CPS1: variants seen among roughly 807,000 people sequenced by gnomAD.
The protein encoded by CPS1 is carbamoyl-phosphate synthase 1.
CPS1 carries 109 observed loss-of-function variants against 174.6 expected under a neutral mutation model. The ratio of observed to expected loss-of-function variants is 0.62; its 90% CI spans 0.53 to 0.73. The LOEUF is 0.73. Ranked by LOEUF, CPS1 falls within the 30% of genes least tolerant of loss-of-function variation. The pLI, the probability that CPS1 is intolerant of heterozygous loss-of-function variation, is 0.00. For missense variants in CPS1, 1,689 were observed against 1,821.9 expected (o/e 0.93, Z 1.33); for synonymous variants, 637 against 632.0 (o/e 1.01, Z -0.12).
At chr2:210,521,545 TAC>T (rs1695826640) in intron 1 of CPS1, among the ~76,000 whole-genome samples, 3 of 152,014 alleles carry the variant, frequency 2.0e-5, no homozygotes, top group Non-Finnish European at 4.4e-5. Flanking sequence ...TGTTTCATTT[TAC>T]AGAGTTTCCA....
chr2:210,612,424 T>C (rs1699163593), intron 20 of CPS1, 131 bp downstream of exon 20: 4 of 852,996 alleles, frequency 4.7e-6, no homozygotes, highest in East Asian at 2.7e-5. Context: ...AATTCTTTTA[T>C]AGTATTAAAC....
At chr2:210,552,091 T>C (rs1272974212), upstream of CPS1, among the ~76,000 whole-genome samples, 35 of 151,922 alleles carry the variant, frequency 2.3e-4, no homozygotes, top group Admixed American at 2.3e-3. Flanking sequence ...ATAAAAATCA[T>C]AGAACTGAAC....
rs186668263 is a variant in CPS1 at position 210,621,254 on chromosome 2, T to C, written c.2687+4713T>C. Among the ~76,000 whole-genome samples, 645 of 152,222 alleles carry C rather than the reference T, an allele frequency of 4.2e-3. 8 individuals carry two copies. Among genetic ancestry groups the C allele is most frequent in the Admixed American group, 0.02 (301 of 15,290 alleles). On this transcript the variant is annotated intron_variant, in intron 21 of 37. Coordinates refer to ENST00000233072, the MANE Select transcript of CPS1 (RefSeq NM_001875.5). ...TTTCTTTAGGATTTGAGAAGTTTCT[T>C]TTTACTCAGTACGATATAAGTTGTG...
intron 21 of CPS1, among the ~76,000 whole-genome samples, chr2:210,623,715 A>G (rs1027187566): frequency 3.3e-5 from 5 of 152,140 alleles, no homozygotes; most frequent in African/African-American, 9.7e-5. Context: ...TGCAGCCACA[A>G]ACTTCTGGCA....
At chr2:210,578,557 A>G (rs1252916311) in intron 4 of CPS1, among the ~76,000 whole-genome samples, 2 of 152,202 alleles carry the variant, frequency 1.3e-5, no homozygotes, top group Non-Finnish European at 2.9e-5. Context: ...TGTAATTGAC[A>G]GAATTTTATT....
At position 210,678,097 on chromosome 2, in the gene CPS1, G is replaced by C; in HGVS notation, c.*112G>C. ...ATATTGATAACTAAACTTCATTTCA[G>C]TTTACTTTGTTATGCCTTAATATTC... On this transcript the variant is annotated 3_prime_UTR_variant, in exon 38 of 38. Transcript: ENST00000233072. 2.3e-6 allele frequency: 2 copies of C among 870,242 alleles called. No individual in the cohort carries two copies. The highest frequency in any genetic ancestry group is 4.0e-6 in the Non-Finnish European group (2 of 503,922). 53.9% of individuals were successfully genotyped at this position (870,242 alleles called of 1,614,324 possible). A position where few individuals can be genotyped will look rare whatever the true frequency, so the allele number is the denominator to read the frequency against.
chr2:210,638,702 A>G (rs913067994), intron 22 of CPS1, among the ~76,000 whole-genome samples: 3 of 152,064 alleles, frequency 2.0e-5, no homozygotes, highest in African/African-American at 7.2e-5. Context: ...TTCATCCCCT[A>G]TGGCTTTATG....
At chr2:210,655,005 T>C (rs1700663164) in intron 29 of CPS1, among the ~76,000 whole-genome samples, 1 of 152,186 alleles carries the variant, frequency 6.6e-6, no homozygotes, top group Non-Finnish European at 1.5e-5. Context: ...TGGAAGGTGG[T>C]CATCTGTTTT....
At position 210,648,001 on chromosome 2, in the gene CPS1, G is replaced by C; in HGVS notation, c.3280G>C (p.Ala1094Pro). The change falls in exon 26 of 38, where the codon GCT (alanine) becomes CCT (proline). Residue 1094 changes from alanine (A) to proline (P), a missense_variant. Transcript: ENST00000233072. Reference sequence around the variant, plus strand: ...GGCTGAGGATCGCTCCATCTTCTCAGCTGTCTTGGATGAGCTGAAGGTGGC... The same window carrying C: ...GGCTGAGGATCGCTCCATCTTCTCACCTGTCTTGGATGAGCTGAAGGTGGC... ...DRAEDRSIFS[A>P]VLDELKVAQA... is the part of the protein sequence containing the mutation. 1 of 1,614,020 alleles carries C rather than the reference G, an allele frequency of 6.2e-7. No individual in the cohort carries two copies. Among genetic ancestry groups the C allele is most frequent in the Non-Finnish European group, 8.5e-7 (1 of 1,179,920 alleles).
intron 34 of CPS1, chr2:210,672,604 CA>C (rs1396510582): frequency 6.6e-6 from 1 of 152,128 alleles, no homozygotes; most frequent in Non-Finnish European, 1.5e-5. Flanking sequence ...TCTGTCTAAC[CA>C]ATTGTCCTGA....
intron 1 of CPS1, among the ~76,000 whole-genome samples, chr2:210,569,145 C>A (rs572135821): frequency 6.6e-6 from 1 of 152,032 alleles, no homozygotes; most frequent in Non-Finnish European, 1.5e-5. Flanking sequence ...GTGCAAGAAG[C>A]AGACCCAATA....
At chr2:210,575,403 T>C (rs1157730286) in intron 2 of CPS1, among the ~76,000 whole-genome samples, 1 of 151,936 alleles carries the variant, frequency 6.6e-6, no homozygotes, top group Non-Finnish European at 1.5e-5. Context: ...TGCAGTGTAT[T>C]CCAGTGCATG....
chr2:210,673,305 G>A (rs960697389), intron 34 of CPS1: 2 of 152,226 alleles, frequency 1.3e-5, no homozygotes, highest in African/African-American at 2.4e-5. Context: ...TGATCTTTGG[G>A]TAGGTCACCT....
chr2:210,653,949 T>G, intron 28 of CPS1, 76 bp from the exon 29 acceptor site: 1 of 1,163,364 alleles, frequency 8.6e-7, no homozygotes, highest in South Asian at 1.2e-5. Flanking sequence ...TTATAATACT[T>G]AAAGTACATG....
At chr2:210,588,021 G>T in intron 6 of CPS1, 37 bp from the exon 7 acceptor site, 1 of 1,591,100 alleles carries the variant, frequency 6.3e-7, no homozygotes, top group East Asian at 2.2e-5. Context: ...CCCATAGCTG[G>T]GACTTCCCTC....
intron 21 of CPS1, among the ~76,000 whole-genome samples, chr2:210,621,400 G>A (rs371889075): frequency 3.3e-4 from 50 of 152,258 alleles, no homozygotes; most frequent in African/African-American, 1.2e-3. Flanking sequence ...GGAAAATGAA[G>A]TCTATATAAA....
chr2:210,641,445 T>C (rs1385973856), intron 24 of CPS1, among the ~76,000 whole-genome samples: 1 of 152,086 alleles, frequency 6.6e-6, no homozygotes, highest in African/African-American at 2.4e-5. Context: ...ATAACAGCAT[T>C]AATCTATTCA....
chr2:210,637,913 C>A, intron 22 of CPS1, 70 bp downstream of exon 22: 1 of 1,525,250 alleles, frequency 6.6e-7, no homozygotes, highest in Non-Finnish European at 9.1e-7. Flanking sequence ...GGCACCCATT[C>A]AAAAGGCCAT....
chr2:210,599,377 A>C lies in CPS1; in HGVS notation c.1365A>C (p.Glu455Asp), dbSNP rs1248150090. Reference protein sequence around the residue: ...GSQAVKAMKEENVKTVLMNPN... With the variant: ...GSQAVKAMKEDNVKTVLMNPN... ...GATTCTTTTGTTTCTTTCAGGAAGA[A>C]AATGTCAAAACTGTTCTGATGAACC... The change falls in exon 14 of 38, where the codon GAA becomes GAC. Residue 455 changes from glutamate to aspartate, a missense_variant. Physicochemically the swap from Glu to Asp is conservative, Grantham distance 45. Transcript: ENST00000233072. 13 of 1,612,054 alleles carry C rather than the reference A, an allele frequency of 8.1e-6. No homozygotes were observed. Among genetic ancestry groups the C allele is most frequent in the Non-Finnish European group, 1.1e-5 (13 of 1,178,818 alleles).
Sources: gnomAD v4.1 joint callset for allele counts (sites outside exome capture counted in the v4.1 genomes callset) on GRCh38, gnomAD v4.1.1 for gene constraint, MANE v1.5 for transcripts, NCBI Gene and HGNC (gene_info 2026-07-23, HGNC 2026-07-21) for gene names.